YBX1: variants seen among roughly 807,000 people sequenced by gnomAD.
YBX1 encodes Y-box binding protein 1.
A neutral mutation model predicts 41.4 loss-of-function variants in YBX1; 3 were observed. That is an observed-to-expected ratio of 0.07 (90% CI 0.03 to 0.19). The LOEUF (loss-of-function observed/expected upper bound fraction) is 0.19, where lower values mean the gene tolerates loss of function less well. YBX1 is among the 10% of genes least tolerant of loss of function. The probability of loss-of-function intolerance (pLI) is 1.00; values close to 1 mark genes in which losing one functional copy is unlikely to be tolerated. For missense variants in YBX1, 274 were observed against 462.8 expected (o/e 0.59, Z 3.74); for synonymous variants, 133 against 165.8 (o/e 0.80, Z 1.52).
Position 42,693,667 on chromosome 1 carries a change from A to G in YBX1, c.264+144A>G, listed in dbSNP as rs41269507. 8.4e-3 allele frequency: 6,170 copies of G among 736,652 alleles called. 41 individuals are homozygous for G. The highest frequency in any genetic ancestry group is 0.011 in the Non-Finnish European group (5,128 of 458,308). The allele number at this position is 736,652 out of a possible 1,614,324, so 45.6% of individuals were successfully genotyped here. Reference sequence around the variant, plus strand: ...TTACGACAGGAGTAGTAGCATGCTTAAAAATGTATACGTGGAAATGTGTTA... The same window carrying G: ...TTACGACAGGAGTAGTAGCATGCTTGAAAATGTATACGTGGAAATGTGTTA... On this transcript the variant is annotated intron_variant, in intron 3 of 7. Coordinates refer to ENST00000321358, the MANE Select transcript of YBX1 (RefSeq NM_004559.5).
Position 42,683,406 on chromosome 1 carries a change from C to G in YBX1, c.170C>G (p.Thr57Arg). The change falls in exon 2 of 8, where the codon ACG becomes AGG. Residue 57 changes from threonine to arginine, a missense_variant. Coordinates refer to ENST00000321358, the MANE Select transcript of YBX1 (RefSeq NM_004559.5). Reference sequence around the variant, plus strand: ...TTTGCTTTGTTTTCTTTTCCAGCAACGAAGGTTTTGGGAACAGTAAAATGG... The same window carrying G: ...TTTGCTTTGTTTTCTTTTCCAGCAAGGAAGGTTTTGGGAACAGTAAAATGG... ...PAGGDKKVIA[T>R]KVLGTVKWFN... The G allele has an allele frequency of 6.2e-7, 1 of 1,614,178 alleles. No individual in the cohort carries two copies. The highest frequency in any genetic ancestry group is 1.3e-5 in the African/African-American group (1 of 75,052).
intron 6 of YBX1, among the ~76,000 whole-genome samples, chr1:42,700,498 C>T (rs1353757581): frequency 6.6e-6 from 1 of 151,424 alleles, no homozygotes; most frequent in Admixed American, 6.6e-5. Context: ...ACTCAGGAGT[C>T]TGAGGTGGGA....
chr1:42,703,323 G>T lies in YBX1; in HGVS notation c.*1374G>T, dbSNP rs530075832. Among the ~76,000 whole-genome samples, 89 of 152,162 alleles carry T rather than the reference G, an allele frequency of 5.8e-4. No homozygotes were observed. The highest frequency in any genetic ancestry group is 6.8e-3 in the Middle Eastern group (2 of 294). ...GTGACTGCTGCCCCGAAACACTCCA[G>T]ATCATCCTGGCCAGCTATCAGGGCC... On this transcript the variant is annotated 3_prime_UTR_variant, in exon 8 of 8. Transcript: ENST00000321358.
intron 6 of YBX1, among the ~76,000 whole-genome samples, chr1:42,700,450 A>C (rs1353058078): frequency 2.0e-5 from 3 of 152,076 alleles, no homozygotes; most frequent in Non-Finnish European, 4.4e-5. Context: ...AAAATCAGAC[A>C]TTAATGAGAC....
chr1:42,683,302 C>A, intron 1 of YBX1, 101 bp from the exon 2 acceptor site: 1 of 1,416,588 alleles, frequency 7.1e-7, no homozygotes, highest in Non-Finnish European at 1.0e-6. Context: ...TGTCAGGTGG[C>A]CGCGGCGGCC....
chr1:42,693,992 G>A (rs987698382), intron 3 of YBX1, among the ~76,000 whole-genome samples: 1 of 151,560 alleles, frequency 6.6e-6, no homozygotes, highest in Non-Finnish European at 1.5e-5. Flanking sequence ...AGCATAAAGA[G>A]CCTTCTGCTT....
At position 42,696,975 on chromosome 1, in the gene YBX1, A is replaced by G. The variant is rs1650477198; in HGVS notation, c.657+31A>G. Reference sequence around the variant, plus strand: ...TTTCACCATCAACAACAGCAATGTGATAAGTTCTGGTAGGACTGTTTAGAG... The same window carrying G: ...TTTCACCATCAACAACAGCAATGTGGTAAGTTCTGGTAGGACTGTTTAGAG... On this transcript the variant is annotated intron_variant, in intron 5 of 7. Coordinates refer to ENST00000321358, the MANE Select transcript of YBX1 (RefSeq NM_004559.5). This position sits in a 1 kb window ranked among gnomAD's most constrained non-coding sequence, Gnocchi z 5.7. 2.6e-6 allele frequency: 4 copies of G among 1,535,118 alleles called. No homozygotes were observed. The highest frequency in any genetic ancestry group is 3.5e-6 in the Non-Finnish European group (4 of 1,141,030).
intron 2 of YBX1, among the ~76,000 whole-genome samples, chr1:42,691,768 C>T (rs1444509463): frequency 1.3e-5 from 2 of 152,212 alleles, no homozygotes; most frequent in African/African-American, 4.8e-5. Context: ...AACAAATTTA[C>T]TTTCTATACC....
At chr1:42,682,985 A>G in intron 1 of YBX1, 1 of 167,772 alleles carries the variant, frequency 6.0e-6, no homozygotes, top group Non-Finnish European at 1.2e-5. Flanking sequence ...CGCGCCGCCG[A>G]CCGCGTGTGC....
intron 7 of YBX1, among the ~76,000 whole-genome samples, chr1:42,701,457 T>C (rs1292466656): frequency 6.6e-6 from 1 of 152,108 alleles, no homozygotes; most frequent in African/African-American, 2.4e-5. Flanking sequence ...AGAATTAACC[T>C]AGATGGTGAC....
rs765100312 is a variant in YBX1 at position 42,696,741 on chromosome 1, A to G, written c.454A>G (p.Arg152Gly). Residue 152 changes from arginine to glycine, a missense_variant, in exon 5 of 8, where the codon AGG becomes GGG. This residue lies in a region of YBX1 where 187 missense variants were observed against 306.3 expected (regional missense o/e 0.61). Transcript: ENST00000321358. This position sits in a 1 kb window ranked among gnomAD's most constrained non-coding sequence, Gnocchi z 5.7. Reference sequence around the variant, plus strand: ...CCATTATAGACGCTATCCACGTCGTAGGGGTCCTCCACGCAATTACCAGCA... The same window carrying G: ...CCATTATAGACGCTATCCACGTCGTGGGGGTCCTCCACGCAATTACCAGCA... ...RNHYRRYPRR[R>G]GPPRNYQQNY... 2.9e-5 allele frequency: 47 copies of G among 1,613,882 alleles called. No homozygotes were observed. The highest frequency in any genetic ancestry group is 3.9e-5 in the Non-Finnish European group (46 of 1,179,842).
At chr1:42,698,576 A>G (rs1184149240) in intron 6 of YBX1, among the ~76,000 whole-genome samples, 1 of 152,150 alleles carries the variant, frequency 6.6e-6, no homozygotes, top group East Asian at 1.9e-4. Context: ...GCCTAGTTTC[A>G]TTGATGTCCT....
Position 42,696,049 on chromosome 1 carries a change from G to A in YBX1, c.265-150G>A, listed in dbSNP as rs1357534819. On this transcript the variant is annotated intron_variant, in intron 3 of 7. Coordinates refer to ENST00000321358, the MANE Select transcript of YBX1 (RefSeq NM_004559.5). The surrounding 1 kb of genome is among the most constrained non-coding windows in gnomAD (Gnocchi z 5.7). ...TGAAGTTGGGGATAGTGTGGTCCCC[G>A]CTTTCCTAAATTTATTGATGGTTTG... 4 of 557,330 alleles carry A rather than the reference G, an allele frequency of 7.2e-6. No individual in the cohort carries two copies. The highest frequency in any genetic ancestry group is 3.8e-5 in the Admixed American group (1 of 26,660). The allele number at this position is 557,330 out of a possible 1,614,324, so 34.5% of individuals were successfully genotyped here.
At chr1:42,688,088 C>T (rs536936589) in intron 2 of YBX1, among the ~76,000 whole-genome samples, 11 of 152,224 alleles carry the variant, frequency 7.2e-5, no homozygotes, top group East Asian at 1.9e-4. Context: ...GTCACTGATA[C>T]GTGACTTGGA....
At position 42,703,496 on chromosome 1, in the gene YBX1, C is replaced by T. The variant is rs1209188046; in HGVS notation, c.*1547C>T. ...CTCAAAAAAAATTTTTTTAACCCTA[C>T]TTAGTGTAAATATCTGTACTGCAGA... On this transcript the variant is annotated 3_prime_UTR_variant, in exon 8 of 8. Transcript: ENST00000321358. Among the ~76,000 whole-genome samples, 2 of 152,002 alleles carry T rather than the reference C, an allele frequency of 1.3e-5. No homozygotes were observed. Among genetic ancestry groups the T allele is most frequent in the Non-Finnish European group, 2.9e-5 (2 of 68,004 alleles).
chr1:42,683,502 T>A, intron 2 of YBX1, 36 bp downstream of exon 2: 1 of 1,611,538 alleles, frequency 6.2e-7, no homozygotes, highest in Non-Finnish European at 8.5e-7. Flanking sequence ...CATCCCACCT[T>A]CTTGCTTGCT....
At position 42,697,265 on chromosome 1, in the gene YBX1, A is replaced by G. The variant is rs1650485059; in HGVS notation, c.740+3A>G. 2.5e-6 allele frequency: 4 copies of G among 1,613,258 alleles called. No individual in the cohort carries two copies. Among genetic ancestry groups the G allele is most frequent in the Non-Finnish European group, 3.4e-6 (4 of 1,179,708 alleles). ...GGATATAGACCACGATTCCGCAGGTATGGTCCACGTAAACATGTTTCTATT... is the reference window on the plus strand; with the variant it reads ...GGATATAGACCACGATTCCGCAGGTGTGGTCCACGTAAACATGTTTCTATT... On this transcript the variant is annotated splice_donor_region_variant and intron_variant, in intron 6 of 7. Transcript: ENST00000321358.
intron 2 of YBX1, among the ~76,000 whole-genome samples, chr1:42,685,776 G>A (rs190817611): frequency 2.3e-4 from 35 of 152,290 alleles, no homozygotes; most frequent in African/African-American, 8.2e-4. Flanking sequence ...TAAATTTTCT[G>A]CCTTTAAAGA....
In YBX1 at chr1:42,703,421, T is replaced by C. The variant is rs1650657398; in HGVS notation, c.*1472T>C. Among the ~76,000 whole-genome samples, 1 of 151,940 alleles carries C rather than the reference T, an allele frequency of 6.6e-6. No individual in the cohort carries two copies. The highest frequency in any genetic ancestry group is 6.6e-5 in the Admixed American group (1 of 15,244). ...CAGGAATCCTGCAGTGCTGTGGAAG[T>C]CATCTCCTGCTTGGGACTAACTCTT... is the stretch of plus-strand genomic sequence containing the variant. On this transcript the variant is annotated 3_prime_UTR_variant, in exon 8 of 8. Transcript: ENST00000321358.
Sources: allele counts gnomAD v4.1 joint callset (sites outside exome capture counted in the v4.1 genomes callset), GRCh38; gene constraint gnomAD v4.1.1; regional missense constraint gnomAD v4.1.1; non-coding constraint Gnocchi (gnomAD v3.1); transcripts MANE v1.5; gene names NCBI Gene and HGNC (gene_info 2026-07-23, HGNC 2026-07-21).